The following EIF4G3 variants were observed in gnomAD, a reference collection of about 807,000 sequenced individuals.
The protein encoded by EIF4G3 is eIF-4-gamma 3.
A neutral mutation model predicts 186.4 loss-of-function variants in EIF4G3; 34 were observed. That is an observed-to-expected ratio of 0.18 (90% CI 0.14 to 0.24). The LOEUF is 0.24. Among genes scored for constraint, EIF4G3 ranks in the 10% least tolerant of loss-of-function variants. The pLI is 1.00. For missense variants in EIF4G3, 1,536 were observed against 1,948.5 expected (o/e 0.79, Z 3.99); for synonymous variants, 673 against 679.5 (o/e 0.99, Z 0.15).
intron 6 of EIF4G3, chr1:20,999,274 T>C (rs2082960360): frequency 6.4e-6 from 2 of 313,504 alleles, no homozygotes; most frequent in South Asian, 2.7e-5. Flanking sequence ...CAGTTACAGT[T>C]CTTGCAGAAA....
At chr1:21,138,549 T>C (rs1427132216) in intron 2 of EIF4G3, among the ~76,000 whole-genome samples, 1 of 152,182 alleles carries the variant, frequency 6.6e-6, no homozygotes, top group Non-Finnish European at 1.5e-5. Context: ...TGGGGCACAG[T>C]GGCTCACACC....
At chr1:20,915,379 G>T (rs1475640933) in intron 14 of EIF4G3, among the ~76,000 whole-genome samples, 1 of 151,742 alleles carries the variant, frequency 6.6e-6, no homozygotes, top group Non-Finnish European at 1.5e-5. Context: ...GGTCTGCGTC[G>T]TTACCCAGAT....
chr1:20,877,424 A>G (rs1434852823), intron 20 of EIF4G3, among the ~76,000 whole-genome samples: 2 of 152,236 alleles, frequency 1.3e-5, no homozygotes, highest in Non-Finnish European at 2.9e-5. Flanking sequence ...TTCCTTTTCA[A>G]GCTCAGCTTT....
At chr1:21,080,313 C>G (rs1384656202) in intron 3 of EIF4G3, among the ~76,000 whole-genome samples, 2 of 125,712 alleles carry the variant, frequency 1.6e-5, no homozygotes, top group African/African-American at 5.4e-5. Context: ...GAGACACTGT[C>G]TCAACAAAAA....
chr1:20,842,603 G>C (rs1207559574), intron 29 of EIF4G3, among the ~76,000 whole-genome samples: 1 of 152,068 alleles, frequency 6.6e-6, no homozygotes, highest in Non-Finnish European at 1.5e-5. Flanking sequence ...CTGACCTCAG[G>C]TAATCGCCTG....
intron 3 of EIF4G3, among the ~76,000 whole-genome samples, chr1:21,080,682 G>C (rs975715607): frequency 6.6e-6 from 1 of 151,954 alleles, no homozygotes; most frequent in African/African-American, 2.4e-5. Flanking sequence ...GCTAATTTTT[G>C]TATTTTTAGT....
chr1:21,135,583 T>C (rs2097223757), intron 2 of EIF4G3, among the ~76,000 whole-genome samples: 1 of 152,160 alleles, frequency 6.6e-6, no homozygotes, highest in Non-Finnish European at 1.5e-5. Flanking sequence ...CAAATGTTAG[T>C]TATTACTACT....
intron 14 of EIF4G3, among the ~76,000 whole-genome samples, chr1:20,937,466 A>G (rs1363652133): frequency 6.6e-6 from 1 of 152,220 alleles, no homozygotes; most frequent in East Asian, 1.9e-4. Flanking sequence ...CTTGCCATCA[A>G]TCTACATCCA....
chr1:20,961,741 C>T (rs191896127), intron 12 of EIF4G3, among the ~76,000 whole-genome samples: 1 of 152,252 alleles, frequency 6.6e-6, no homozygotes, highest in African/African-American at 2.4e-5. Context: ...TTGAGAGAAT[C>T]CACCCCAGTT....
At chr1:20,978,713 G>A (rs1288680984) in intron 10 of EIF4G3, among the ~76,000 whole-genome samples, 1 of 151,346 alleles carries the variant, frequency 6.6e-6, no homozygotes, top group Non-Finnish European at 1.5e-5. Flanking sequence ...GTATGTATAG[G>A]GTACTATGTG....
intron 7 of EIF4G3, among the ~76,000 whole-genome samples, chr1:20,990,130 T>C (rs12026318): frequency 0.4 from 60,217 of 151,888 alleles, 12,663 homozygotes; most frequent in Middle Eastern, 0.53. Flanking sequence ...GCAGAGATTA[T>C]GCCACTCCAC....
At chr1:20,880,705 C>T (rs974188314) in intron 19 of EIF4G3, among the ~76,000 whole-genome samples, 5 of 152,220 alleles carry the variant, frequency 3.3e-5, no homozygotes, top group South Asian at 2.1e-4. Context: ...GAGCTGAGAT[C>T]GCACCACTGC....
chr1:21,054,044 A>G (rs1162049575), intron 3 of EIF4G3, among the ~76,000 whole-genome samples: 1 of 152,162 alleles, frequency 6.6e-6, no homozygotes, highest in African/African-American at 2.4e-5. Context: ...AAAGGTGGGG[A>G]AAAGATTGAG....
intron 12 of EIF4G3, among the ~76,000 whole-genome samples, chr1:20,952,992 C>T (rs1433738581): frequency 6.6e-6 from 1 of 152,088 alleles, no homozygotes; most frequent in Non-Finnish European, 1.5e-5. Context: ...TACTGTGACA[C>T]AAAACATCAC....
chr1:21,033,876 T>G (rs2092957856), intron 4 of EIF4G3, among the ~76,000 whole-genome samples: 1 of 152,064 alleles, frequency 6.6e-6, no homozygotes, highest in South Asian at 2.1e-4. Context: ...TAGACTAAGG[T>G]GAGTTCAAGA....
chr1:21,057,121 G>A (rs2094596784), intron 3 of EIF4G3, among the ~76,000 whole-genome samples: 1 of 152,146 alleles, frequency 6.6e-6, no homozygotes, highest in African/African-American at 2.4e-5. Flanking sequence ...GGTAAGCTTG[G>A]AAACAGTCAT....
intron 3 of EIF4G3, among the ~76,000 whole-genome samples, chr1:21,061,745 T>A (rs999015308): frequency 1.3e-5 from 2 of 151,250 alleles, no homozygotes; most frequent in East Asian, 3.9e-4. Context: ...CTGCTTGTTT[T>A]TTTTTTTTTT....
At chr1:21,001,066 T>C (rs534280086) in intron 6 of EIF4G3, 133 bp downstream of exon 6, 11 of 391,914 alleles carry the variant, frequency 2.8e-5, no homozygotes, top group African/African-American at 2.1e-4. Context: ...GAAACTGCCA[T>C]GCTAGGTTAG....
chr1:20,886,463 A>G, intron 18 of EIF4G3, 92 bp from the exon 19 acceptor site: 1 of 1,245,860 alleles, frequency 8.0e-7, no homozygotes, highest in Non-Finnish European at 1.1e-6. Context: ...ACGCCAAGCA[A>G]TGCTAGATGC....
Sources: gnomAD v4.1 joint callset for allele counts (sites outside exome capture counted in the v4.1 genomes callset) on GRCh38, gnomAD v4.1.1 for gene constraint, MANE v1.5 for transcripts, NCBI Gene and HGNC (gene_info 2026-07-23, HGNC 2026-07-21) for gene names.